SLC25A25: variants seen among roughly 807,000 people sequenced by gnomAD.
SLC25A25 encodes mitochondrial adenyl nucleotide antiporter SLC25A25.
SLC25A25 carries 32 observed loss-of-function variants against 57.7 expected under a neutral mutation model. That is an observed-to-expected ratio of 0.55 (90% CI 0.42 to 0.74). The LOEUF is 0.74. Among genes scored for constraint, SLC25A25 ranks in the 30% least tolerant of loss-of-function variants. The pLI, the probability that SLC25A25 is intolerant of heterozygous loss-of-function variation, is 0.00. For missense variants in SLC25A25, 556 were observed against 701.3 expected (o/e 0.79, Z 2.34); for synonymous variants, 306 against 291.2 (o/e 1.05, Z -0.52).
chr9:128,094,015 G>A (rs763774184), intron 1 of SLC25A25, among the ~76,000 whole-genome samples: 10 of 152,288 alleles, frequency 6.6e-5, no homozygotes, highest in East Asian at 3.9e-4. Flanking sequence ...GGGCGTGGTG[G>A]TGCGTGCCTG....
At chr9:128,092,650 C>T (rs560199917) in intron 1 of SLC25A25, among the ~76,000 whole-genome samples, 1 of 152,266 alleles carries the variant, frequency 6.6e-6, no homozygotes, top group East Asian at 1.9e-4. Context: ...GAAATGACTG[C>T]GGCCGCTGCG....
intron 1 of SLC25A25, among the ~76,000 whole-genome samples, chr9:128,075,960 T>G (rs1309388397): frequency 1.3e-5 from 2 of 152,174 alleles, no homozygotes; most frequent in Non-Finnish European, 2.9e-5. Context: ...TCCAGCTGAG[T>G]CTTGAATTCC....
rs778606816 is a variant in SLC25A25, at chr9:128,107,080, G to A, written c.1264G>A (p.Gly422Ser). Reference protein sequence around the residue: ...QHYAVNSADPGVFVLLACGTM... With the variant: ...QHYAVNSADPSVFVLLACGTM... ...CTATGCAGTGAACAGCGCGGACCCCGGCGTGTTTGTGCTCCTGGCCTGTGG... is the reference window on the plus strand; with the variant it reads ...CTATGCAGTGAACAGCGCGGACCCCAGCGTGTTTGTGCTCCTGGCCTGTGG... The change falls in exon 10 of 11, where the codon GGC (glycine) becomes AGC (serine). Residue 422 changes from glycine (G) to serine (S), a missense_variant. Around this residue, in one of 3 missense-constraint regions of SLC25A25, gnomAD observed 294 missense variants for 389.6 expected, o/e 0.75. Transcript: ENST00000373069. 10 of 1,613,988 alleles carry A rather than the reference G, an allele frequency of 6.2e-6. No homozygotes were observed. The African/African-American group carries it at 8.0e-5, about 13-fold the overall frequency.
rs1232886917 is a variant in SLC25A25 at position 128,099,634 on chromosome 9, A to G, written c.262-1462A>G. ...GAAGTTAAATGTAACCTCAGCAGAT[A>G]AAATATGTACCTGCATCTGTCCTAC... is the stretch of plus-strand genomic sequence containing the variant. On this transcript the variant is annotated intron_variant, in intron 1 of 10. Coordinates refer to ENST00000373069, the MANE Select transcript of SLC25A25 (RefSeq NM_001330988.2). The surrounding 1 kb of genome is among the most constrained non-coding windows in gnomAD (Gnocchi z 6.8). Among the ~76,000 whole-genome samples, 1 of 152,208 alleles carries G rather than the reference A, an allele frequency of 6.6e-6. No individual in the cohort carries two copies. The highest frequency in any genetic ancestry group is 1.9e-4 in the East Asian group (1 of 5,196).
At position 128,068,537 on chromosome 9, in the gene SLC25A25, G is replaced by GGATGCGGC; in HGVS notation, c.219_220insATGCGGCG (p.Leu74MetfsTer31). The GGATGCGGC allele has an allele frequency of 6.7e-7, 1 of 1,485,198 alleles. No homozygotes were observed. The highest frequency in any genetic ancestry group is 2.7e-5 in the East Asian group (1 of 37,520). 92.0% of individuals were successfully genotyped at this position (1,485,198 alleles called of 1,614,324 possible). Reference sequence around the variant, plus strand: ...CTGTGTGTCAACGACCTGGCGGTGGGGCTGCGGCGCCTGGGACTGCACCGC... The same window carrying GGATGCGGC: ...CTGTGTGTCAACGACCTGGCGGTGGGGATGCGGCGCTGCGGCGCCTGGGACTGCACCGC... On this transcript the variant is annotated frameshift_variant, in exon 1 of 11. Transcript: ENST00000373069. LOFTEE classifies it high-confidence loss of function.
Position 128,101,361 on chromosome 9 carries a change from G to A in SLC25A25, c.441G>A (p.Lys147=). 2 of 1,614,246 alleles carry A rather than the reference G, an allele frequency of 1.2e-6. No homozygotes were observed. The highest frequency in any genetic ancestry group is 1.7e-6 in the Non-Finnish European group (2 of 1,180,054). ...IMQSLRDLGV[K]ISEQQAEKIL... is the part of the protein sequence containing the mutation. Reference sequence around the variant, plus strand: ...AGTCCCTGCGGGACTTGGGAGTCAAGATATCTGAACAGCAGGCAGAAAAAA... The same window carrying A: ...AGTCCCTGCGGGACTTGGGAGTCAAAATATCTGAACAGCAGGCAGAAAAAA... Residue 147 remains lysine, a synonymous_variant, in exon 3 of 11, where the codon AAG becomes AAA. Transcript: ENST00000373069. This position sits in a 1 kb window ranked among gnomAD's most constrained non-coding sequence, Gnocchi z 4.9.
intron 1 of SLC25A25, chr9:128,091,848 A>G (rs10739712): frequency 0.98 from 1,565,053 of 1,591,200 alleles, 772,525 homozygotes; most frequent in Non-Finnish European, 1. Context: ...AGTCGCCATC[A>G]GAGGCGTTTG....
At chr9:128,087,084 G>A (rs1384207028) in intron 1 of SLC25A25, among the ~76,000 whole-genome samples, 1 of 151,802 alleles carries the variant, frequency 6.6e-6, no homozygotes, top group Non-Finnish European at 1.5e-5. Context: ...GTATGGTGGC[G>A]GGTGCCTGTA....
rs1035842229 is a variant in SLC25A25, at chr9:128,104,828, A to T, written c.784-901A>T. On this transcript the variant is annotated intron_variant, in intron 6 of 10. Coordinates refer to ENST00000373069, the MANE Select transcript of SLC25A25 (RefSeq NM_001330988.2). ...TTAATAATGAAAAACTTTGATTTTT[A>T]AAAATTATTATTATTATTATTATTA... 1.5e-3 allele frequency among the ~76,000 whole-genome samples: 164 copies of T among 107,790 alleles called. 2 individuals are homozygous for T. Among genetic ancestry groups the T allele is most frequent in the African/African-American group, 5.4e-3 (149 of 27,460 alleles). The allele number at this position is 107,790 out of a possible 152,430, so 70.7% of individuals were successfully genotyped here.
At chr9:128,097,108 C>T (rs1317577413) in intron 1 of SLC25A25, among the ~76,000 whole-genome samples, 1 of 152,194 alleles carries the variant, frequency 6.6e-6, no homozygotes, top group Non-Finnish European at 1.5e-5. Context: ...TCTGTGATCC[C>T]CAAGTAATAA....
intron 1 of SLC25A25, among the ~76,000 whole-genome samples, chr9:128,074,356 T>TC (rs1832966680): frequency 6.6e-6 from 1 of 151,510 alleles, no homozygotes; most frequent in Admixed American, 6.6e-5. Flanking sequence ...AGATTTTTTT[T>TC]TAATAAGTTG....
rs561184665 is a variant in SLC25A25 at position 128,099,646 on chromosome 9, T to A, written c.262-1450T>A. Among the ~76,000 whole-genome samples, 27 of 152,346 alleles carry A rather than the reference T, an allele frequency of 1.8e-4. No homozygotes were observed. Among genetic ancestry groups the A allele is most frequent in the African/African-American group, 5.8e-4 (24 of 41,586 alleles). On this transcript the variant is annotated intron_variant, in intron 1 of 10. Transcript: ENST00000373069. This position sits in a 1 kb window ranked among gnomAD's most constrained non-coding sequence, Gnocchi z 6.8. ...AACCTCAGCAGATAAAATATGTACCTGCATCTGTCCTACATTCCAGCCACG... is the reference window on the plus strand; with the variant it reads ...AACCTCAGCAGATAAAATATGTACCAGCATCTGTCCTACATTCCAGCCACG...
At chr9:128,088,764 A>T (rs1374606115) in intron 1 of SLC25A25, among the ~76,000 whole-genome samples, 2 of 152,046 alleles carry the variant, frequency 1.3e-5, no homozygotes, top group African/African-American at 4.8e-5. Flanking sequence ...TGAACTCATA[A>T]CTCAGTTCTG....
In SLC25A25 at chr9:128,068,296, C is replaced by T. The variant is rs1832824176; in HGVS notation, c.-24C>T. The T allele has an allele frequency of 3.9e-6, 5 of 1,297,218 alleles. No homozygotes were observed. Among genetic ancestry groups the T allele is most frequent in the South Asian group, 2.2e-5 (1 of 45,552 alleles). 80.4% of individuals were successfully genotyped at this position (1,297,218 alleles called of 1,614,324 possible). On this transcript the variant is annotated 5_prime_UTR_variant, in exon 1 of 11. Coordinates refer to ENST00000373069, the MANE Select transcript of SLC25A25 (RefSeq NM_001330988.2). ...CCCGCCGCCCCCGCTCCCGCCCGCG[C>T]CCGGAGCCCCTGCCTCGCGCCCGAT... is the stretch of plus-strand genomic sequence containing the variant.
rs1250325412 is a variant in SLC25A25 at position 128,089,651 on chromosome 9, T to TCC, written c.262-11445_262-11444insCC. ...CAGATTGTCTTTTTTTTTTTTTTTT[T>TCC]TGAGACAGGATCTCCCTGTCACCCA... On this transcript the variant is annotated intron_variant, in intron 1 of 10. Transcript: ENST00000373069. Among the ~76,000 whole-genome samples, 615 of 144,542 alleles carry TCC rather than the reference T, an allele frequency of 4.3e-3. 4 individuals carry two copies. Among genetic ancestry groups the TCC allele is most frequent in the Middle Eastern group, 0.014 (4 of 278 alleles). 94.8% of individuals were successfully genotyped at this position (144,542 alleles called of 152,430 possible).
At position 128,077,887 on chromosome 9, in the gene SLC25A25, A is replaced by G. The variant is rs184619222; in HGVS notation, c.261+9307A>G. ...CTAAAAATACAAAAATTAGCCGAGC[A>G]TGGTGGCACACATCTGTAATCCCAG... On this transcript the variant is annotated intron_variant, in intron 1 of 10. Transcript: ENST00000373069. 2.8e-3 allele frequency among the ~76,000 whole-genome samples: 420 copies of G among 151,884 alleles called. 2 individuals carry two copies. Among genetic ancestry groups the G allele is most frequent in the Non-Finnish European group, 4.7e-3 (320 of 67,926 alleles).
At chr9:128,105,099 T>C (rs1337122354) in intron 6 of SLC25A25, among the ~76,000 whole-genome samples, 1 of 148,936 alleles carries the variant, frequency 6.7e-6, no homozygotes, top group African/African-American at 2.5e-5. Flanking sequence ...CCTCATGTGA[T>C]CTGCCCACCT....
chr9:128,071,617 G>A (rs1229629216), intron 1 of SLC25A25, among the ~76,000 whole-genome samples: 3 of 140,776 alleles, frequency 2.1e-5, no homozygotes, highest in African/African-American at 7.9e-5. Flanking sequence ...TCACCATGTT[G>A]GCCAGGCTGG....
In SLC25A25 at chr9:128,099,385, G is replaced by C; in HGVS notation, c.262-1711G>C. 2 of 1,196,038 alleles carry C rather than the reference G, an allele frequency of 1.7e-6. No homozygotes were observed. Among genetic ancestry groups the C allele is most frequent in the Non-Finnish European group, 2.1e-6 (2 of 943,746 alleles). The allele number at this position is 1,196,038 out of a possible 1,614,324, so 74.1% of individuals were successfully genotyped here. On this transcript the variant is annotated intron_variant, in intron 1 of 10. Coordinates refer to ENST00000373069, the MANE Select transcript of SLC25A25 (RefSeq NM_001330988.2). This position sits in a 1 kb window ranked among gnomAD's most constrained non-coding sequence, Gnocchi z 6.8. ...TTGAGAATGCGTTGAAGCCAGCTGC[G>C]GTGAGCACACCCTCTGCTCTGGGTG...
Sources: allele counts gnomAD v4.1 joint callset (sites outside exome capture counted in the v4.1 genomes callset), GRCh38; gene constraint gnomAD v4.1.1; regional missense constraint gnomAD v4.1.1; non-coding constraint Gnocchi (gnomAD v3.1); transcripts MANE v1.5; gene names NCBI Gene and HGNC (gene_info 2026-07-23, HGNC 2026-07-21).